The following HP1BP3 variants were observed in gnomAD, a reference collection of about 807,000 sequenced individuals.
HP1BP3 encodes heterochromatin protein 1-binding protein 3.
A neutral mutation model predicts 62.5 loss-of-function variants in HP1BP3; 12 were observed. The observed-to-expected ratio is 0.19, with a 90% CI of 0.12 to 0.31. HP1BP3 has a LOEUF of 0.31. Among genes scored for constraint, HP1BP3 ranks in the 10% least tolerant of loss-of-function variants. The pLI is 1.00. For missense variants in HP1BP3, 502 were observed against 651.8 expected (o/e 0.77, Z 2.50); for synonymous variants, 260 against 237.8 (o/e 1.09, Z -0.86).
At chr1:20,750,060 G>C in intron 9 of HP1BP3, 178 bp from the exon 10 acceptor site, 10 of 1,278,460 alleles carry the variant, frequency 7.8e-6, no homozygotes, top group Non-Finnish European at 1.0e-5. Context: ...ATCTAACTGA[G>C]AAGTCCCAAC....
chr1:20,755,429 A>AGCTG, intron 9 of HP1BP3: 1 of 449,354 alleles, frequency 2.2e-6, no homozygotes, highest in South Asian at 1.6e-5. Context: ...AAAATTAATC[A>AGCTG]GGCATGGTGG....
At chr1:20,768,919 T>C (rs2056921489) in intron 6 of HP1BP3, among the ~76,000 whole-genome samples, 1 of 152,216 alleles carries the variant, frequency 6.6e-6, no homozygotes, top group South Asian at 2.1e-4. Flanking sequence ...GGAATGCTTT[T>C]AGCCTACTAA....
intron 2 of HP1BP3, among the ~76,000 whole-genome samples, 162 bp from the exon 3 acceptor site, chr1:20,780,073 A>G (rs1254125822): frequency 6.6e-6 from 1 of 152,184 alleles, no homozygotes; most frequent in East Asian, 1.9e-4. Context: ...GTGAAATATG[A>G]TTTTTAAGAT....
At chr1:20,763,916 T>C (rs1557655361) in intron 8 of HP1BP3, among the ~76,000 whole-genome samples, 1 of 152,192 alleles carries the variant, frequency 6.6e-6, no homozygotes, top group Admixed American at 6.5e-5. Context: ...CATATATATG[T>C]TTTTTGAGAC....
intron 11 of HP1BP3, among the ~76,000 whole-genome samples, chr1:20,746,545 A>C (rs950196096): frequency 6.6e-6 from 1 of 152,202 alleles, no homozygotes. Flanking sequence ...CTTTACTGGA[A>C]ATCAAAAGGC....
At chr1:20,782,579 C>T (rs1207187521) in intron 1 of HP1BP3, among the ~76,000 whole-genome samples, 15 of 149,236 alleles carry the variant, frequency 1.0e-4, no homozygotes, top group Non-Finnish European at 1.5e-5. Flanking sequence ...GCAGAGCCTG[C>T]CTCAAGAAAA....
rs1312382401 is a variant in HP1BP3, at chr1:20,742,299, C to T, written c.*2498G>A. ...CTAGAGAGCACAGGAGTAATTACTA[C>T]AATTACTTCTAGAATTTGATGTCTA... is the stretch of plus-strand genomic sequence containing the variant. On this transcript the variant is annotated 3_prime_UTR_variant, in exon 13 of 13. Coordinates refer to ENST00000438032, the MANE Select transcript of HP1BP3 (RefSeq NM_001372052.1). Among the ~76,000 whole-genome samples the T allele has an allele frequency of 6.6e-6, 1 of 152,170 alleles. No homozygotes were observed. Among genetic ancestry groups the T allele is most frequent in the African/African-American group, 2.4e-5 (1 of 41,432 alleles).
chr1:20,748,011 C>T (rs2055449381), intron 10 of HP1BP3, among the ~76,000 whole-genome samples: 2 of 151,986 alleles, frequency 1.3e-5, no homozygotes, highest in African/African-American at 2.4e-5. Flanking sequence ...GCCACCATAC[C>T]TGGCAAGAGT....
intron 9 of HP1BP3, among the ~76,000 whole-genome samples, chr1:20,755,176 A>G (rs1340629546): frequency 2.6e-5 from 4 of 152,202 alleles, no homozygotes; most frequent in African/African-American, 9.6e-5. Context: ...ATCAGTAATT[A>G]TTAGGGAAAT....
chr1:20,758,107 T>C (rs1295406367), intron 8 of HP1BP3, among the ~76,000 whole-genome samples: 1 of 151,994 alleles, frequency 6.6e-6, no homozygotes, highest in African/African-American at 2.4e-5. Flanking sequence ...GACCATGCCA[T>C]TGCAATCCAA....
At chr1:20,745,398 A>G (rs2055251434) in intron 12 of HP1BP3, 145 bp downstream of exon 12, 1 of 1,034,350 alleles carries the variant, frequency 9.7e-7, no homozygotes, top group Non-Finnish European at 1.3e-6. Flanking sequence ...TTCAAAGGAG[A>G]AGATCAATCC....
rs2055060872 is a variant in HP1BP3, at chr1:20,740,816, CA to C, written c.*3980del. Among the ~76,000 whole-genome samples, 2 of 152,162 alleles carry C rather than the reference CA, an allele frequency of 1.3e-5. No homozygotes were observed. The highest frequency in any genetic ancestry group is 4.1e-4 in the South Asian group (2 of 4,824). On this transcript the variant is annotated 3_prime_UTR_variant, in exon 13 of 13. Coordinates refer to ENST00000438032, the MANE Select transcript of HP1BP3 (RefSeq NM_001372052.1). ...CTTAGTGACACAGCAAACTCCATCT[CA>C]AAAAAATAATAAGTAAAAGAATATA...
chr1:20,782,729 G>A (rs930809512), intron 1 of HP1BP3, among the ~76,000 whole-genome samples: 10 of 151,116 alleles, frequency 6.6e-5, no homozygotes, highest in Middle Eastern at 3.4e-3. Context: ...GTGAAACCCC[G>A]TCTCTACTAA....
intron 1 of HP1BP3, among the ~76,000 whole-genome samples, chr1:20,784,279 T>C (rs1460727098): frequency 6.6e-6 from 1 of 152,096 alleles, no homozygotes; most frequent in African/African-American, 2.4e-5. Flanking sequence ...CCAGTGTACC[T>C]ATTAACTAAA....
At chr1:20,770,768 G>C (rs1199745889) in intron 6 of HP1BP3, among the ~76,000 whole-genome samples, 162 bp downstream of exon 6, 2 of 152,130 alleles carry the variant, frequency 1.3e-5, no homozygotes, top group Non-Finnish European at 2.9e-5. Flanking sequence ...CAGCATTTTC[G>C]AAACCTAGCC....
chr1:20,778,870 A>G (rs1198293061), intron 3 of HP1BP3, among the ~76,000 whole-genome samples: 2 of 151,690 alleles, frequency 1.3e-5, no homozygotes, highest in African/African-American at 4.9e-5. Context: ...GCTCACTGCA[A>G]CCTCTGCCTC....
At position 20,767,847 on chromosome 1, in the gene HP1BP3, C is replaced by T. The variant is rs146684330; in HGVS notation, c.655-183G>A. On this transcript the variant is annotated intron_variant, in intron 6 of 12. Transcript: ENST00000438032. ...GAAAGCTCCTTTATATACCATCTAG[C>T]TGATGCTGAGTAATACTGGACAACC... 5.1e-4 allele frequency among the ~76,000 whole-genome samples: 77 copies of T among 151,926 alleles called. 1 individual carries two copies. The East Asian group carries it at 0.012, about 23-fold the overall frequency.
At chr1:20,768,221 C>T (rs532863165) in intron 6 of HP1BP3, among the ~76,000 whole-genome samples, 1 of 151,794 alleles carries the variant, frequency 6.6e-6, no homozygotes, top group African/African-American at 2.4e-5. Flanking sequence ...CCGAGGCGGG[C>T]GAATCACGAG....
chr1:20,772,029 A>G (rs2057083805), intron 5 of HP1BP3, among the ~76,000 whole-genome samples: 1 of 152,238 alleles, frequency 6.6e-6, no homozygotes, highest in African/African-American at 2.4e-5. Context: ...ATTCAAGTCT[A>G]TGTCTCTGAA....
Sources: allele counts gnomAD v4.1 joint callset (sites outside exome capture counted in the v4.1 genomes callset), GRCh38; gene constraint gnomAD v4.1.1; transcripts MANE v1.5; gene names NCBI Gene and HGNC (gene_info 2026-07-23, HGNC 2026-07-21).